Variants in RASGEF1C observed in about 807,000 individuals in gnomAD.
RASGEF1C encodes ras-GEF domain-containing family member 1C.
Under a neutral mutation model 58.1 loss-of-function variants are expected in RASGEF1C, and 27 were observed. That is an observed-to-expected ratio of 0.46 (90% CI 0.34 to 0.64). The LOEUF (loss-of-function observed/expected upper bound fraction) is 0.64, where lower values mean the gene tolerates loss of function less well. RASGEF1C is among the 30% of genes least tolerant of loss of function. The probability of loss-of-function intolerance (pLI) is 0.01; values close to 1 mark genes in which losing one functional copy is unlikely to be tolerated. For synonymous variants in RASGEF1C, 243 were observed against 246.3 expected, an observed-to-expected ratio of 0.99 and a Z score of 0.13; for missense variants, 502 against 605.1, an observed-to-expected ratio of 0.83 and a Z score of 1.79.
chr5:180,127,479 GC>G (rs140790679), intron 6 of RASGEF1C, 129 bp downstream of exon 6: 3 of 772,328 alleles, frequency 3.9e-6, no homozygotes, highest in South Asian at 4.7e-5. Context: ...AGTGGGCAGG[GC>G]CCCCCGAGCC....
chr5:180,129,180 C>T (rs2113267587), intron 4 of RASGEF1C, among the ~76,000 whole-genome samples: 1 of 152,342 alleles, frequency 6.6e-6, no homozygotes, highest in Admixed American at 6.5e-5. Context: ...CCCCACTCCC[C>T]ATCTTCCCAG....
At chr5:180,135,512 T>C (rs1561739370) in intron 4 of RASGEF1C, among the ~76,000 whole-genome samples, 1 of 152,170 alleles carries the variant, frequency 6.6e-6, no homozygotes, top group Non-Finnish European at 1.5e-5. Context: ...GCTACACCAG[T>C]GCTGCCCACA....
intron 1 of RASGEF1C, among the ~76,000 whole-genome samples, chr5:180,181,330 T>A (rs1767320196): frequency 6.6e-6 from 1 of 152,254 alleles, no homozygotes; most frequent in Non-Finnish European, 1.5e-5. Context: ...AAGAGATGTA[T>A]GACAACACTA....
At chr5:180,173,574 G>T (rs1306459597) in intron 1 of RASGEF1C, among the ~76,000 whole-genome samples, 2 of 152,216 alleles carry the variant, frequency 1.3e-5, no homozygotes, top group African/African-American at 2.4e-5. Flanking sequence ...AAAGAGAAAA[G>T]AATTTCATTT....
chr5:180,144,095 C>T (rs1454004097), intron 1 of RASGEF1C, among the ~76,000 whole-genome samples: 2 of 152,190 alleles, frequency 1.3e-5, no homozygotes, highest in Non-Finnish European at 2.9e-5. Context: ...GAGAAAGGAC[C>T]CCCAAGGCCA....
intron 12 of RASGEF1C, among the ~76,000 whole-genome samples, chr5:180,104,023 C>A (rs1765838457): frequency 1.3e-5 from 2 of 152,218 alleles, no homozygotes; most frequent in Middle Eastern, 3.4e-3. Flanking sequence ...TGGAATGAAC[C>A]CACTTAGTCA....
intron 1 of RASGEF1C, among the ~76,000 whole-genome samples, chr5:180,140,977 T>A (rs1289625286): frequency 6.6e-6 from 1 of 152,142 alleles, no homozygotes; most frequent in Non-Finnish European, 1.5e-5. Context: ...TGCAGAGTGA[T>A]CAGAGCATCA....
intron 1 of RASGEF1C, among the ~76,000 whole-genome samples, chr5:180,180,861 G>A (rs1767312914): frequency 6.6e-6 from 1 of 152,192 alleles, no homozygotes; most frequent in African/African-American, 2.4e-5. Context: ...ACCCTGAAAA[G>A]TCCACCTGTG....
At position 180,143,605 on chromosome 5, in the gene RASGEF1C, G is replaced by C. The variant is rs1766617550; in HGVS notation, c.-6-5547C>G. 6.6e-6 allele frequency among the ~76,000 whole-genome samples: 1 copy of C among 152,190 alleles called. No homozygotes were observed. The highest frequency in any genetic ancestry group is 2.1e-4 in the South Asian group (1 of 4,834). ...GAGCTGGCGTGCTCAGACCTTCCTGGTGTAAAAGTCATCCAGGACATCCAG... is the reference window on the plus strand; with the variant it reads ...GAGCTGGCGTGCTCAGACCTTCCTGCTGTAAAAGTCATCCAGGACATCCAG... On this transcript the variant is annotated intron_variant, in intron 1 of 13. Transcript: ENST00000361132. The surrounding 1 kb of genome is among the most constrained non-coding windows in gnomAD (Gnocchi z 4.3).
chr5:180,164,461 T>C (rs1766989835), intron 1 of RASGEF1C, among the ~76,000 whole-genome samples: 1 of 152,208 alleles, frequency 6.6e-6, no homozygotes, highest in Admixed American at 6.5e-5. Context: ...TTAAGCATTG[T>C]TTTAGGTATA....
At chr5:180,111,426 A>T (rs774240734) in intron 12 of RASGEF1C, 31 bp downstream of exon 12, 2 of 1,613,838 alleles carry the variant, frequency 1.2e-6, no homozygotes, top group African/African-American at 1.3e-5. Flanking sequence ...TCCGTGGCCC[A>T]GTAGGCAGGA....
rs1477681118 is a variant in RASGEF1C, at chr5:180,168,765, T to C, written c.-6-30707A>G. 1.3e-5 allele frequency among the ~76,000 whole-genome samples: 2 copies of C among 152,166 alleles called. No homozygotes were observed. On this transcript the variant is annotated intron_variant, in intron 1 of 13. Coordinates refer to ENST00000361132, the MANE Select transcript of RASGEF1C (RefSeq NM_175062.4). This position sits in a 1 kb window ranked among gnomAD's most constrained non-coding sequence, Gnocchi z 6.0. ...TGCTCCCATGGGATTACTTGTGGGC[T>C]GGGGTATGAGAGAGCAAAGATTTTT...
At chr5:180,121,178 G>T in intron 6 of RASGEF1C, 29 bp from the exon 7 acceptor site, 1 of 1,475,988 alleles carries the variant, frequency 6.8e-7, no homozygotes, top group Non-Finnish European at 9.5e-7. Context: ...ACGGGACCAC[G>T]TTCTGAGCCT....
At chr5:180,102,250 C>T in intron 12 of RASGEF1C, 107 bp from the exon 13 acceptor site, 1 of 683,318 alleles carries the variant, frequency 1.5e-6, no homozygotes, top group Non-Finnish European at 2.6e-6. Flanking sequence ...TATTCTGTCC[C>T]ATTGATCCAT....
chr5:180,124,009 A>C lies in RASGEF1C; in HGVS notation c.715-2860T>G, dbSNP rs549813698. Among the ~76,000 whole-genome samples the C allele has an allele frequency of 4.3e-4, 65 of 152,266 alleles. 1 individual carries two copies. The South Asian group carries it at 0.012, about 28-fold the overall frequency. On this transcript the variant is annotated intron_variant, in intron 6 of 13. Coordinates refer to ENST00000361132, the MANE Select transcript of RASGEF1C (RefSeq NM_175062.4). The stretch of plus-strand genomic sequence containing the variant: ...AAAACAGACTAAAGAAGAAACATAA[A>C]ACCTAAATAGTCCTAAAACCATTAA...
intron 1 of RASGEF1C, among the ~76,000 whole-genome samples, chr5:180,173,834 G>A (rs552147865): frequency 2.3e-4 from 35 of 151,936 alleles, no homozygotes; most frequent in African/African-American, 6.5e-4. Flanking sequence ...AATCGCTTGA[G>A]CCCGGGAGGC....
chr5:180,162,960 CA>C (rs1179783717), intron 1 of RASGEF1C, among the ~76,000 whole-genome samples: 1 of 152,122 alleles, frequency 6.6e-6, no homozygotes, highest in Admixed American at 6.5e-5. Context: ...TTGCTAGATT[CA>C]TACCTAAGTA....
chr5:180,199,245 C>G (rs1756336261), intron 1 of RASGEF1C, among the ~76,000 whole-genome samples: 1 of 152,178 alleles, frequency 6.6e-6, no homozygotes, highest in Non-Finnish European at 1.5e-5. Context: ...AAGAGTCTGA[C>G]AAATCCGGAT....
intron 12 of RASGEF1C, among the ~76,000 whole-genome samples, chr5:180,105,092 C>T (rs1300015332): frequency 6.6e-6 from 1 of 152,216 alleles, no homozygotes; most frequent in Non-Finnish European, 1.5e-5. Flanking sequence ...TGAGATGCAA[C>T]AGCAAAACTA....
Sources: allele counts gnomAD v4.1 joint callset (sites outside exome capture counted in the v4.1 genomes callset), GRCh38; gene constraint gnomAD v4.1.1; non-coding constraint Gnocchi (gnomAD v3.1); transcripts MANE v1.5; gene names NCBI Gene and HGNC (gene_info 2026-07-23, HGNC 2026-07-21).